KCND3: variants seen among roughly 807,000 people sequenced by gnomAD.
KCND3 encodes A-type voltage-gated potassium channel KCND3.
In KCND3, 9 loss-of-function variants were observed where a neutral mutation model predicts 51.1. The ratio of observed to expected loss-of-function variants is 0.18; its 90% CI spans 0.11 to 0.31. KCND3 has a LOEUF of 0.31. KCND3 is among the 10% of genes least tolerant of loss of function. The pLI, the probability that KCND3 is intolerant of heterozygous loss-of-function variation, is 1.00. For synonymous variants in KCND3, 349 were observed against 368.0 expected, an observed-to-expected ratio of 0.95 and a Z score of 0.59; for missense variants, 526 against 903.8, an observed-to-expected ratio of 0.58 and a Z score of 5.36.
At chr1:111,908,654 T>C (rs1190662577) in intron 2 of KCND3, among the ~76,000 whole-genome samples, 3 of 152,196 alleles carry the variant, frequency 2.0e-5, no homozygotes, top group Admixed American at 1.3e-4. Flanking sequence ...TTCTCTCCCG[T>C]GTTCCAGTGA....
At chr1:111,958,928 C>T (rs926749325) in intron 2 of KCND3, among the ~76,000 whole-genome samples, 1 of 152,194 alleles carries the variant, frequency 6.6e-6, no homozygotes, top group Non-Finnish European at 1.5e-5. Context: ...GCCATGTTCT[C>T]CAGCTCTGCC....
rs142855310 is a variant in KCND3 at position 111,950,230 on chromosome 1, C to T, written c.1106+31391G>A. On this transcript the variant is annotated intron_variant, in intron 2 of 7. Transcript: ENST00000302127. ...CTGGCCAAAAGTTTTTTAAACATTTCCCCTTATGAGTGTGATGCATTCTGT... is the reference window on the plus strand; with the variant it reads ...CTGGCCAAAAGTTTTTTAAACATTTTCCCTTATGAGTGTGATGCATTCTGT... Among the ~76,000 whole-genome samples, 1,347 of 152,202 alleles carry T rather than the reference C, an allele frequency of 8.9e-3. 16 individuals carry two copies. Among genetic ancestry groups the T allele is most frequent in the African/African-American group, 0.031 (1,284 of 41,522 alleles).
chr1:111,978,337 A>C (rs1378409549), intron 2 of KCND3, among the ~76,000 whole-genome samples: 1 of 152,226 alleles, frequency 6.6e-6, no homozygotes, highest in Non-Finnish European at 1.5e-5. Context: ...ATAGGAACTC[A>C]GGGAAGGACC....
intron 5 of KCND3, among the ~76,000 whole-genome samples, chr1:111,779,311 C>A (rs575071047): frequency 2.0e-5 from 3 of 151,974 alleles, no homozygotes; most frequent in Admixed American, 1.3e-4. Context: ...CCCACACCCC[C>A]CTCCCCACCA....
chr1:111,870,571 C>T (rs1199956958), intron 2 of KCND3, among the ~76,000 whole-genome samples: 1 of 152,128 alleles, frequency 6.6e-6, no homozygotes, highest in African/African-American at 2.4e-5. Flanking sequence ...GCTTGGAGAG[C>T]TATCAGCTAG....
chr1:111,934,105 G>A (rs912787775), intron 2 of KCND3, among the ~76,000 whole-genome samples: 2 of 152,180 alleles, frequency 1.3e-5, no homozygotes, highest in Non-Finnish European at 2.9e-5. Context: ...TGGCAGCCGA[G>A]CTTCTCCCCG....
chr1:111,850,367 C>G (rs1183630002), intron 2 of KCND3, among the ~76,000 whole-genome samples: 1 of 152,160 alleles, frequency 6.6e-6, no homozygotes, highest in Non-Finnish European at 1.5e-5. Flanking sequence ...GGACACAGCT[C>G]CTGAGCCTCT....
chr1:111,849,881 C>T (rs982213838), intron 2 of KCND3, among the ~76,000 whole-genome samples: 3 of 152,140 alleles, frequency 2.0e-5, no homozygotes, highest in Non-Finnish European at 2.9e-5. Flanking sequence ...GATGTGACTT[C>T]CTGTATGATG....
At chr1:111,786,786 A>G (rs1302100844) in intron 3 of KCND3, among the ~76,000 whole-genome samples, 158 bp downstream of exon 3, 1 of 152,142 alleles carries the variant, frequency 6.6e-6, no homozygotes, top group Non-Finnish European at 1.5e-5. Context: ...GCTGGAATTC[A>G]GGAGACTGGT....
chr1:111,829,681 C>T (rs1258824331), intron 2 of KCND3, among the ~76,000 whole-genome samples: 1 of 152,164 alleles, frequency 6.6e-6, no homozygotes, highest in Non-Finnish European at 1.5e-5. Flanking sequence ...TCCAATCCCT[C>T]GTCCCGCCCT....
At chr1:111,908,725 T>C (rs890039962) in intron 2 of KCND3, among the ~76,000 whole-genome samples, 8 of 152,160 alleles carry the variant, frequency 5.3e-5, no homozygotes, top group African/African-American at 1.9e-4. Flanking sequence ...ATTCAACACT[T>C]TTTTTGTCTC....
intron 2 of KCND3, among the ~76,000 whole-genome samples, chr1:111,897,496 C>G (rs1005750069): frequency 1.3e-5 from 2 of 152,318 alleles, no homozygotes; most frequent in South Asian, 4.1e-4. Flanking sequence ...CTCATCTGTG[C>G]GTGCTGGACA....
chr1:111,986,268 C>G (rs1675279207), intron 1 of KCND3, among the ~76,000 whole-genome samples: 1 of 152,180 alleles, frequency 6.6e-6, no homozygotes, highest in South Asian at 2.1e-4. Context: ...CCACTAAAAT[C>G]CTATGATAAA....
intron 2 of KCND3, among the ~76,000 whole-genome samples, chr1:111,801,523 C>G (rs1665308309): frequency 6.6e-6 from 1 of 152,188 alleles, no homozygotes; most frequent in Non-Finnish European, 1.5e-5. Context: ...GAGGTAGTGA[C>G]AGGTGGGAGG....
At chr1:111,980,237 T>TGTGTGTGG (rs58525616) in intron 2 of KCND3, among the ~76,000 whole-genome samples, 9 of 151,024 alleles carry the variant, frequency 6.0e-5, no homozygotes, top group Non-Finnish European at 1.0e-4. Context: ...TGTGTGTGTG[T>TGTGTGTGG]GGGTTGGAGT....
intron 2 of KCND3, among the ~76,000 whole-genome samples, chr1:111,861,174 G>T (rs943450129): frequency 6.6e-6 from 1 of 152,126 alleles, no homozygotes; most frequent in Non-Finnish European, 1.5e-5. Flanking sequence ...GGGGGGCGGG[G>T]CGTGGGGAAA....
intron 2 of KCND3, among the ~76,000 whole-genome samples, chr1:111,819,252 T>C (rs1007654362): frequency 5.9e-5 from 9 of 152,200 alleles, no homozygotes; most frequent in African/African-American, 2.2e-4. Context: ...CTTCAGCTTT[T>C]GCATTTGTGT....
chr1:111,983,232 C>G (rs1362121762), intron 1 of KCND3, among the ~76,000 whole-genome samples: 1 of 152,220 alleles, frequency 6.6e-6, no homozygotes, highest in African/African-American at 2.4e-5. Flanking sequence ...TTATTTCACT[C>G]TTTCACCCAC....
At chr1:111,956,062 G>A (rs993185430) in intron 2 of KCND3, among the ~76,000 whole-genome samples, 2 of 152,066 alleles carry the variant, frequency 1.3e-5, no homozygotes, top group Admixed American at 1.3e-4. Flanking sequence ...TTACAGATGA[G>A]GAAACTGAAG....
Sources: allele counts gnomAD v4.1 joint callset (sites outside exome capture counted in the v4.1 genomes callset), GRCh38; gene constraint gnomAD v4.1.1; transcripts MANE v1.5; gene names NCBI Gene and HGNC (gene_info 2026-07-23, HGNC 2026-07-21).